Variants in RBFOX1 observed in about 807,000 individuals in gnomAD.
RBFOX1 encodes RNA binding protein fox-1 homolog 1.
Under a neutral mutation model 57.7 loss-of-function variants are expected in RBFOX1, and 8 were observed. The observed-to-expected ratio is 0.14, with a 90% CI of 0.08 to 0.25. The LOEUF is 0.25. RBFOX1 is among the 10% of genes least tolerant of loss of function. The pLI is 1.00. For missense variants in RBFOX1, 611 were observed against 548.5 expected, an observed-to-expected ratio of 1.11 and a Z score of -1.14; for synonymous variants, 326 against 222.4, an observed-to-expected ratio of 1.47 and a Z score of -4.15.
At chr16:6,284,421 T>C (rs1311660979) in intron 1 of RBFOX1, among the ~76,000 whole-genome samples, 1 of 152,136 alleles carries the variant, frequency 6.6e-6, no homozygotes, top group African/African-American at 2.4e-5. Context: ...ACATATAATA[T>C]CTGCATAAAT....
At chr16:6,367,346 C>G (rs1344874714) in intron 2 of RBFOX1, among the ~76,000 whole-genome samples, 3 of 152,144 alleles carry the variant, frequency 2.0e-5, no homozygotes, top group Non-Finnish European at 4.4e-5. Context: ...TCTTGGCTCA[C>G]TGCAACCTCT....
intron 1 of RBFOX1, among the ~76,000 whole-genome samples, chr16:5,466,495 T>G (rs535426144): frequency 4.6e-5 from 7 of 152,194 alleles, no homozygotes; most frequent in Non-Finnish European, 1.0e-4. Flanking sequence ...CAGAGAGTAC[T>G]CACAGAGTGA....
At chr16:7,363,079 A>G (rs542130622) in intron 4 of RBFOX1, among the ~76,000 whole-genome samples, 46 of 152,124 alleles carry the variant, frequency 3.0e-4, no homozygotes, top group Non-Finnish European at 5.9e-4. Context: ...ATTGAGAGCA[A>G]TGGGATGCGC....
chr16:7,279,912 T>C (rs561155496), intron 4 of RBFOX1, among the ~76,000 whole-genome samples: 1 of 152,292 alleles, frequency 6.6e-6, no homozygotes, highest in East Asian at 1.9e-4. Context: ...ATGGTCCTGA[T>C]CAGGTATGAC....
intron 4 of RBFOX1, among the ~76,000 whole-genome samples, chr16:7,459,695 C>T: frequency 6.6e-6 from 1 of 152,142 alleles, no homozygotes; most frequent in South Asian, 2.1e-4. Context: ...TTTGGCATTT[C>T]AAAATATTGC....
At chr16:7,347,483 G>T (rs929861131) in intron 4 of RBFOX1, among the ~76,000 whole-genome samples, 2 of 152,110 alleles carry the variant, frequency 1.3e-5, no homozygotes, top group Non-Finnish European at 2.9e-5. Context: ...TTCCCACCAG[G>T]TTCCTGTCAT....
chr16:6,875,310 T>C (rs187414467), intron 3 of RBFOX1, among the ~76,000 whole-genome samples: 69 of 152,302 alleles, frequency 4.5e-4, no homozygotes, highest in African/African-American at 1.4e-3. Flanking sequence ...GGGGTGCGTT[T>C]TTTAGAGAAA....
chr16:6,669,072 C>G (rs568922054), intron 3 of RBFOX1, among the ~76,000 whole-genome samples: 1 of 152,294 alleles, frequency 6.6e-6, no homozygotes, highest in African/African-American at 2.4e-5. Context: ...AAAGCATGCC[C>G]TATCCAAATG....
chr16:6,481,611 G>C lies in RBFOX1; in HGVS notation c.-64+164554G>C, dbSNP rs112164546. 9.9e-4 allele frequency among the ~76,000 whole-genome samples: 150 copies of C among 152,282 alleles called. 1 individual carries two copies. The highest frequency in any genetic ancestry group is 3.3e-3 in the African/African-American group (138 of 41,554). On this transcript the variant is annotated intron_variant, in intron 2 of 15. Coordinates refer to ENST00000550418, the MANE Select transcript of RBFOX1 (RefSeq NM_018723.4). ...TTGTGAATCTCTGTAATTGTACAGGGTTCTGGATAAGCGAAAGTCTAAACC... is the reference window on the plus strand; with the variant it reads ...TTGTGAATCTCTGTAATTGTACAGGCTTCTGGATAAGCGAAAGTCTAAACC...
chr16:5,855,598 G>A (rs994344518), intron 3 of RBFOX1, among the ~76,000 whole-genome samples: 2 of 151,988 alleles, frequency 1.3e-5, no homozygotes, highest in Admixed American at 6.6e-5. Context: ...GTTTTTTGCT[G>A]CTACTATACT....
At chr16:7,291,246 T>C (rs542538297) in intron 4 of RBFOX1, among the ~76,000 whole-genome samples, 1 of 152,284 alleles carries the variant, frequency 6.6e-6, no homozygotes, top group Admixed American at 6.5e-5. Context: ...GAAGGGGTCA[T>C]TGATGCCCTT....
chr16:5,390,951 A>T (rs1349266454), intron 1 of RBFOX1, among the ~76,000 whole-genome samples: 1 of 152,204 alleles, frequency 6.6e-6, no homozygotes, highest in East Asian at 1.9e-4. Context: ...TGGGGGCCTT[A>T]TTAAGCCATT....
chr16:5,899,219 A>G (rs777291482), intron 4 of RBFOX1, among the ~76,000 whole-genome samples: 1 of 151,828 alleles, frequency 6.6e-6, no homozygotes, highest in African/African-American at 2.4e-5. Flanking sequence ...TCAGGTGTTG[A>G]TATATACTGA....
chr16:5,867,263 G>A (rs1023791738), intron 3 of RBFOX1: 10 of 1,158,090 alleles, frequency 8.6e-6, no homozygotes, highest in South Asian at 8.8e-5. Context: ...TTACCTTCTT[G>A]TTGAATCAAT....
chr16:6,129,018 C>G (rs1402978183), intron 1 of RBFOX1, among the ~76,000 whole-genome samples: 1 of 152,190 alleles, frequency 6.6e-6, no homozygotes, highest in African/African-American at 2.4e-5. Flanking sequence ...AGTCATTTAA[C>G]CACTTGCATG....
chr16:6,616,250 C>T lies in RBFOX1; in HGVS notation c.-63-38353C>T, dbSNP rs117647139. Among the ~76,000 whole-genome samples, 16 of 152,284 alleles carry T rather than the reference C, an allele frequency of 1.1e-4. No homozygotes were observed. In the East Asian group the frequency reaches 2.5e-3, roughly 24 times the overall value. ...ATGTCTGTGCTCATATTCTCCTGTC[C>T]TTTAAAAATTATATTAACTTATTTT... is the stretch of plus-strand genomic sequence containing the variant. On this transcript the variant is annotated intron_variant, in intron 2 of 15. Transcript: ENST00000550418.
chr16:5,764,381 C>G (rs572333957), intron 3 of RBFOX1, among the ~76,000 whole-genome samples: 2 of 152,208 alleles, frequency 1.3e-5, no homozygotes, highest in Non-Finnish European at 2.9e-5. Flanking sequence ...GAGTAGATGC[C>G]AGCACCCAGC....
intron 4 of RBFOX1, among the ~76,000 whole-genome samples, chr16:7,061,698 T>C (rs187367400): frequency 1.7e-3 from 252 of 152,326 alleles, no homozygotes; most frequent in African/African-American, 5.8e-3. Flanking sequence ...CATTTCTTGC[T>C]TTATCATTAA....
At chr16:5,989,499 G>T (rs111522859) in intron 4 of RBFOX1, among the ~76,000 whole-genome samples, 167 of 152,292 alleles carry the variant, frequency 1.1e-3, no homozygotes, top group African/African-American at 3.9e-3. Flanking sequence ...TGTGTTCAAA[G>T]TTAGTTGCTA....
Sources: gnomAD v4.1 joint callset for allele counts (sites outside exome capture counted in the v4.1 genomes callset) on GRCh38, gnomAD v4.1.1 for gene constraint, MANE v1.5 for transcripts, NCBI Gene and HGNC (gene_info 2026-07-23, HGNC 2026-07-21) for gene names.